MMP28: variants seen among roughly 807,000 people sequenced by gnomAD.
MMP28 encodes matrix metallopeptidase 28.
MMP28 carries 55 observed loss-of-function variants against 60.5 expected under a neutral mutation model. That is an observed-to-expected ratio of 0.91 (90% confidence interval 0.73 to 1.14). MMP28 has a LOEUF of 1.14. MMP28 is among the 50% of genes most tolerant of loss of function. MMP28 has a pLI of 0.00. For synonymous variants in MMP28, 318 were observed against 312.5 expected (o/e 1.02, Z -0.18); for missense variants, 686 against 738.3 (o/e 0.93, Z 0.82).
intron 1 of MMP28, among the ~76,000 whole-genome samples, chr17:35,780,017 A>C (rs1042633963): frequency 6.6e-5 from 10 of 152,076 alleles, no homozygotes; most frequent in Non-Finnish European, 1.5e-4. Context: ...TGGATTTTTA[A>C]AAAAACAGTT....
chr17:35,762,522 G>C (rs1233983838), downstream of MMP28, among the ~76,000 whole-genome samples: 2 of 152,118 alleles, frequency 1.3e-5, no homozygotes, highest in Non-Finnish European at 2.9e-5. Flanking sequence ...TGTAGTAACT[G>C]TGCCCTGAAC....
chr17:35,767,977 G>A, intron 6 of MMP28, 58 bp from the exon 7 acceptor site: 2 of 1,521,316 alleles, frequency 1.3e-6, no homozygotes, highest in Non-Finnish European at 1.8e-6. Context: ...TGTCTTTCCA[G>A]GAAAGATGCT....
chr17:35,769,057 C>T (rs145164746), intron 5 of MMP28, among the ~76,000 whole-genome samples: 9 of 152,310 alleles, frequency 5.9e-5, no homozygotes, highest in African/African-American at 1.9e-4. Flanking sequence ...ATAATTACAT[C>T]ACTATCCTTC....
intron 3 of MMP28, among the ~76,000 whole-genome samples, chr17:35,773,779 T>G (rs976307914): frequency 6.6e-6 from 1 of 152,190 alleles, no homozygotes; most frequent in Non-Finnish European, 1.5e-5. Context: ...TGAAAACAGT[T>G]CTGTGTCTGT....
Position 35,766,437 on chromosome 17 carries a change from CG to C in MMP28, c.*62del. On this transcript the variant is annotated 3_prime_UTR_variant, in exon 8 of 8. Transcript: ENST00000605424. The surrounding 1 kb of genome is among the most constrained non-coding windows in gnomAD (Gnocchi z 4.3). The stretch of plus-strand genomic sequence containing the variant: ...GAGGCTTCTAAGAGGGGTTCTGCCC[CG>C]GGGGTGGGGAACATGATTTTGCCCT... The C allele has an allele frequency of 6.8e-7, 1 of 1,476,058 alleles. No individual in the cohort carries two copies. Among genetic ancestry groups the C allele is most frequent in the South Asian group, 1.3e-5 (1 of 74,702 alleles). The allele number at this position is 1,476,058 out of a possible 1,614,324, so 91.4% of individuals were successfully genotyped here. A position where few individuals can be genotyped will look rare whatever the true frequency, so the allele number is the denominator to read the frequency against.
intron 2 of MMP28, among the ~76,000 whole-genome samples, chr17:35,757,807 G>T (rs2085756861): frequency 6.6e-6 from 1 of 152,068 alleles, no homozygotes; most frequent in Admixed American, 6.6e-5. Context: ...TGGGGGTCTT[G>T]CTATGTTGCC....
At chr17:35,773,018 C>A (rs1217647497) in intron 4 of MMP28, among the ~76,000 whole-genome samples, 162 bp downstream of exon 4, 1 of 152,220 alleles carries the variant, frequency 6.6e-6, no homozygotes, top group African/African-American at 2.4e-5. Context: ...AGGGCAGGGA[C>A]CACTGTTCCC....
chr17:35,787,771 G>T (rs911266456), intron 1 of MMP28, among the ~76,000 whole-genome samples: 2 of 150,030 alleles, frequency 1.3e-5, no homozygotes, highest in African/African-American at 4.9e-5. Context: ...TTACAGGTGT[G>T]AGCCACTGCA....
intron 1 of MMP28, among the ~76,000 whole-genome samples, chr17:35,794,072 C>T (rs1475019651): frequency 2.6e-5 from 4 of 151,768 alleles, no homozygotes; most frequent in African/African-American, 4.8e-5. Flanking sequence ...CACTCCATCC[C>T]GGGCAACAGA....
intron 1 of MMP28, 157 bp from the exon 2 acceptor site, chr17:35,779,480 C>T: frequency 1.6e-6 from 1 of 610,666 alleles, no homozygotes; most frequent in Non-Finnish European, 2.9e-6. Flanking sequence ...GGATTAAAGT[C>T]AAAAGGACCT....
chr17:35,794,730 A>G (rs1281199785), intron 1 of MMP28, among the ~76,000 whole-genome samples: 1 of 152,186 alleles, frequency 6.6e-6, no homozygotes, highest in African/African-American at 2.4e-5. Context: ...AAAGCTCCTT[A>G]GAAGCAACTC....
At chr17:35,775,430 C>T (rs1555607369) in intron 3 of MMP28, among the ~76,000 whole-genome samples, 1 of 152,140 alleles carries the variant, frequency 6.6e-6, no homozygotes, top group Non-Finnish European at 1.5e-5. Context: ...CTCCCTGACA[C>T]CCTTGCTCCA....
intron 3 of MMP28, among the ~76,000 whole-genome samples, chr17:35,776,606 G>T (rs2143388009): frequency 6.6e-6 from 1 of 152,272 alleles, no homozygotes; most frequent in East Asian, 1.9e-4. Context: ...AGATGCTCTG[G>T]CTGGGCACGG....
At chr17:35,778,779 G>C (rs1555608222) in intron 3 of MMP28, 109 bp downstream of exon 3, 1 of 1,595,122 alleles carries the variant, frequency 6.3e-7, no homozygotes, top group South Asian at 1.1e-5. Flanking sequence ...CCGTGCCCTA[G>C]GGAAGAGAGG....
At chr17:35,768,999 T>C (rs1555604520) in intron 5 of MMP28, among the ~76,000 whole-genome samples, 1 of 152,134 alleles carries the variant, frequency 6.6e-6, no homozygotes, top group East Asian at 1.9e-4. Context: ...ACAGGTGTCA[T>C]GAGGGCAGAG....
chr17:35,777,268 G>A (rs1037723305), intron 3 of MMP28, among the ~76,000 whole-genome samples: 1 of 152,222 alleles, frequency 6.6e-6, no homozygotes, highest in African/African-American at 2.4e-5. Flanking sequence ...TGAACTCGTA[G>A]CTCTCTGCTC....
At chr17:35,775,086 A>T (rs150978409) in intron 3 of MMP28, among the ~76,000 whole-genome samples, 2 of 152,286 alleles carry the variant, frequency 1.3e-5, no homozygotes, top group East Asian at 3.9e-4. Context: ...CTAGGCCGCC[A>T]GTGAAGGTGA....
chr17:35,771,355 C>T (rs536203725), intron 4 of MMP28, among the ~76,000 whole-genome samples: 65 of 142,720 alleles, frequency 4.6e-4, no homozygotes, highest in African/African-American at 1.7e-3. Flanking sequence ...GGTGTGAACC[C>T]GGGAAGCAGA....
intron 1 of MMP28, among the ~76,000 whole-genome samples, chr17:35,781,730 G>A (rs887312882): frequency 6.6e-6 from 1 of 152,122 alleles, no homozygotes; most frequent in Admixed American, 6.5e-5. Flanking sequence ...TCTACAAGGA[G>A]AATTCTTCTA....
Sources: allele counts gnomAD v4.1 joint callset (sites outside exome capture counted in the v4.1 genomes callset), GRCh38; gene constraint gnomAD v4.1.1; non-coding constraint Gnocchi (gnomAD v3.1); transcripts MANE v1.5; gene names NCBI Gene and HGNC (gene_info 2026-07-23, HGNC 2026-07-21).